The following CLEC2A variants were observed in gnomAD, a reference collection of about 807,000 sequenced individuals.
The protein encoded by CLEC2A is C-type lectin domain family 2 member A, also known as keratinocyte-associated C-type lectin.
CLEC2A carries 19 observed loss-of-function variants against 18.6 expected under a neutral mutation model. That is an observed-to-expected ratio of 1.02 (90% CI 0.71 to 1.50). CLEC2A has a LOEUF of 1.50. Among genes scored for constraint, CLEC2A ranks in the 40% most tolerant of loss-of-function variants. The pLI, the probability that CLEC2A is intolerant of heterozygous loss-of-function variation, is 0.00. For synonymous variants in CLEC2A, 74 were observed against 64.0 expected, an observed-to-expected ratio of 1.16 and a Z score of -0.75; for missense variants, 190 against 207.9, an observed-to-expected ratio of 0.91 and a Z score of 0.53.
Position 9,922,229 on chromosome 12 carries a change from G to A in CLEC2A, c.143C>T (p.Thr48Ile), listed in dbSNP as rs752119799. 5 of 1,513,208 alleles carry A rather than the reference G, an allele frequency of 3.3e-6. No homozygotes were observed. The South Asian group carries it at 6.6e-5, about 20-fold the overall frequency. 93.7% of individuals were successfully genotyped at this position (1,513,208 alleles called of 1,614,324 possible). ...CACAGGTTTAGCATGCTTGGACCAT[G>A]TGGCTGAAAAAAAAAGAAAGAAATG... ...ITTVCIIMIA[T>I]WSKHAKPVAC... The change falls in exon 3 of 5, where the codon ACA (threonine) becomes ATA (isoleucine). Residue 48 changes from threonine to isoleucine, a missense_variant. Coordinates refer to ENST00000455827, the MANE Select transcript of CLEC2A (RefSeq NM_001130711.2).
downstream of CLEC2A, among the ~76,000 whole-genome samples, chr12:9,897,618 T>C (rs1424663433): frequency 5.4e-5 from 8 of 149,474 alleles, no homozygotes; most frequent in South Asian, 1.5e-3. Flanking sequence ...ACAGATTGAA[T>C]ACCAGGCGAT....
intron 4 of CLEC2A, among the ~76,000 whole-genome samples, chr12:9,907,197 A>G (rs1356920730): frequency 6.6e-6 from 1 of 152,146 alleles, no homozygotes; most frequent in African/African-American, 2.4e-5. Flanking sequence ...GTACCCCTAA[A>G]GCCACCCCAT....
the CLEC2A span, among the ~76,000 whole-genome samples, chr12:9,889,878 T>C: frequency 6.6e-6 from 1 of 152,110 alleles, no homozygotes; most frequent in South Asian, 2.1e-4. Context: ...AATCCCTATG[T>C]ACCTCAATTT....
intron 4 of CLEC2A, chr12:9,899,010 A>G (rs1565525631): frequency 2.8e-6 from 2 of 707,096 alleles, no homozygotes. Context: ...GGATTATTAG[A>G]AAACATATAT....
chr12:9,922,880 A>G (rs1383278954), intron 2 of CLEC2A, among the ~76,000 whole-genome samples: 1 of 152,188 alleles, frequency 6.6e-6, no homozygotes, highest in Non-Finnish European at 1.5e-5. Flanking sequence ...GCTCAAATGT[A>G]GGGCAAACTC....
At chr12:9,898,468 T>A (rs1862782148), downstream of CLEC2A, among the ~76,000 whole-genome samples, 1 of 152,192 alleles carries the variant, frequency 6.6e-6, no homozygotes, top group Non-Finnish European at 1.5e-5. Flanking sequence ...AGGAGACAGG[T>A]GTGAAACTTT....
At chr12:9,896,481 T>C (rs1039856336), downstream of CLEC2A, among the ~76,000 whole-genome samples, 7 of 151,802 alleles carry the variant, frequency 4.6e-5, no homozygotes, top group African/African-American at 1.4e-4. Flanking sequence ...AATCCGTGCA[T>C]GTAAATTAAG....
intron 2 of CLEC2A, among the ~76,000 whole-genome samples, chr12:9,925,671 A>T (rs1018904591): frequency 1.3e-5 from 2 of 152,044 alleles, no homozygotes; most frequent in Admixed American, 6.6e-5. Context: ...TTTTTTATAA[A>T]TATAGAAATT....
In CLEC2A at chr12:9,913,293, A is replaced by C; in HGVS notation, c.*273T>G. The C allele has an allele frequency of 5.3e-6, 2 of 374,710 alleles. No homozygotes were observed. Among genetic ancestry groups the C allele is most frequent in the East Asian group, 6.5e-5 (1 of 15,488 alleles). 23.2% of individuals were successfully genotyped at this position (374,710 alleles called of 1,614,324 possible). A position where few individuals can be genotyped will look rare whatever the true frequency, so the allele number is the denominator to read the frequency against. ...GAAAGCTAATCACCAGTGTGATGGT[A>C]TTAGGGGATGGAGCCATCCATCAGG... On this transcript the variant is annotated 3_prime_UTR_variant, in exon 5 of 5. Transcript: ENST00000455827.
At chr12:9,914,076 A>T (rs1386158823) in intron 4 of CLEC2A, among the ~76,000 whole-genome samples, 3 of 152,236 alleles carry the variant, frequency 2.0e-5, no homozygotes, top group African/African-American at 7.2e-5. Context: ...AAATTAAAAA[A>T]ATTCAGTTTT....
intron 4 of CLEC2A, among the ~76,000 whole-genome samples, chr12:9,903,937 G>A (rs761068685): frequency 1.1e-4 from 16 of 152,168 alleles, no homozygotes; most frequent in Non-Finnish European, 1.8e-4. Flanking sequence ...TTTGGTTAAT[G>A]AAATGCCAGG....
chr12:9,881,592 AGAGATG>A, the CLEC2A span: 1 of 1,526,422 alleles, frequency 6.6e-7, no homozygotes, highest in South Asian at 1.2e-5. Context: ...AGACATTTGA[AGAGATG>A]GAGAATGAAG....
At chr12:9,899,738 A>C (rs1289400688) in intron 4 of CLEC2A, among the ~76,000 whole-genome samples, 1 of 152,192 alleles carries the variant, frequency 6.6e-6, no homozygotes, top group African/African-American at 2.4e-5. Flanking sequence ...GGAGTTCCCT[A>C]GACCTCATTT....
intron 3 of CLEC2A, among the ~76,000 whole-genome samples, chr12:9,917,047 C>A (rs1193239142): frequency 6.6e-6 from 1 of 152,114 alleles, no homozygotes; most frequent in Non-Finnish European, 1.5e-5. Context: ...GTCATTGATA[C>A]CCTTTAGTAT....
intron 4 of CLEC2A, among the ~76,000 whole-genome samples, chr12:9,902,647 A>G (rs1344100717): frequency 6.6e-6 from 1 of 151,410 alleles, no homozygotes; most frequent in African/African-American, 2.4e-5. Context: ...CTTGAAAGAA[A>G]AAAAAAAAAA....
chr12:9,895,560 C>T (rs1862747126), downstream of CLEC2A: 1 of 778,166 alleles, frequency 1.3e-6, no homozygotes, highest in East Asian at 2.9e-5. Flanking sequence ...AATGAAAATT[C>T]CATTCTAAAA....
chr12:9,918,312 C>T (rs1026098157), intron 3 of CLEC2A, among the ~76,000 whole-genome samples: 4 of 152,160 alleles, frequency 2.6e-5, no homozygotes, highest in Non-Finnish European at 5.9e-5. Context: ...CAATCCTTTG[C>T]ATATGGCTAG....
At chr12:9,900,031 G>A (rs916502727) in intron 4 of CLEC2A, among the ~76,000 whole-genome samples, 6 of 152,192 alleles carry the variant, frequency 3.9e-5, no homozygotes, top group African/African-American at 1.4e-4. Flanking sequence ...TAAGGGAGAG[G>A]AAAGAATGTC....
Position 9,913,442 on chromosome 12 carries a change from T to C in CLEC2A, c.*124A>G. The stretch of plus-strand genomic sequence containing the variant: ...CAGCAAGAAGTTTCCATCTATAAAC[T>C]AGAAAATGGGCCCTCACCAGAGGTT... On this transcript the variant is annotated 3_prime_UTR_variant, in exon 5 of 5. Transcript: ENST00000455827. 2.1e-6 allele frequency: 3 copies of C among 1,423,450 alleles called. No individual in the cohort carries two copies. The highest frequency in any genetic ancestry group is 2.5e-4 in the Middle Eastern group (1 of 3,936). 88.2% of individuals were successfully genotyped at this position (1,423,450 alleles called of 1,614,324 possible). A position where few individuals can be genotyped will look rare whatever the true frequency, so the allele number is the denominator to read the frequency against.
Sources: allele counts gnomAD v4.1 joint callset (sites outside exome capture counted in the v4.1 genomes callset), GRCh38; gene constraint gnomAD v4.1.1; transcripts MANE v1.5; gene names NCBI Gene and HGNC (gene_info 2026-07-23, HGNC 2026-07-21).